The following GOLIM4 variants were observed in gnomAD, a reference collection of about 807,000 sequenced individuals.
GOLIM4 encodes the protein 130 kDa golgi-localized phosphoprotein.
GOLIM4 carries 71 observed loss-of-function variants against 107.4 expected under a neutral mutation model. The ratio of observed to expected loss-of-function variants is 0.66; its 90% confidence interval spans 0.55 to 0.81. The LOEUF (loss-of-function observed/expected upper bound fraction) is 0.81, where lower values mean the gene tolerates loss of function less well. GOLIM4 is among the 30% of genes least tolerant of loss of function. The pLI is 0.00. For missense variants in GOLIM4, 830 were observed against 826.1 expected (o/e 1.00, Z -0.06); for synonymous variants, 327 against 294.8 (o/e 1.11, Z -1.12).
intron 6 of GOLIM4, 99 bp downstream of exon 6, chr3:168,041,293 G>C (rs1406720250): frequency 1.7e-5 from 12 of 710,816 alleles, no homozygotes; most frequent in Non-Finnish European, 3.0e-5. Flanking sequence ...TAACAACGTG[G>C]ATTTGTAAAG....
chr3:168,074,884 T>C (rs1392915239), intron 1 of GOLIM4, among the ~76,000 whole-genome samples: 1 of 152,232 alleles, frequency 6.6e-6, no homozygotes, highest in Non-Finnish European at 1.5e-5. Context: ...AGTGACCCAG[T>C]TACCACTGGA....
At chr3:168,018,433 C>A (rs1344276485) in intron 14 of GOLIM4, among the ~76,000 whole-genome samples, 1 of 152,160 alleles carries the variant, frequency 6.6e-6, no homozygotes, top group Admixed American at 6.5e-5. Context: ...CCATTGTGAA[C>A]CTCTTCTAAC....
At chr3:168,093,354 G>GT (rs1326945353) in intron 1 of GOLIM4, among the ~76,000 whole-genome samples, 1 of 152,208 alleles carries the variant, frequency 6.6e-6, no homozygotes, top group African/African-American at 2.4e-5. Flanking sequence ...AATAATTTTT[G>GT]TTTGTTGTTT....
intron 9 of GOLIM4, 62 bp downstream of exon 9, chr3:168,032,458 T>C (rs575857724): frequency 3.6e-6 from 4 of 1,114,522 alleles, no homozygotes; most frequent in Non-Finnish European, 1.4e-6. Context: ...TACCTTAATA[T>C]GTAAAAATAA....
At chr3:168,011,348 C>T (rs777277924) in intron 14 of GOLIM4, among the ~76,000 whole-genome samples, 5 of 152,226 alleles carry the variant, frequency 3.3e-5, no homozygotes, top group African/African-American at 9.7e-5. Context: ...GATTAAAAAA[C>T]GGCGCACCAC....
intron 1 of GOLIM4, among the ~76,000 whole-genome samples, chr3:168,075,857 A>G (rs886912459): frequency 6.6e-6 from 1 of 152,196 alleles, no homozygotes; most frequent in East Asian, 1.9e-4. Flanking sequence ...TCAAATTTTA[A>G]AAGATGAAAT....
In GOLIM4 at chr3:168,044,883, T is replaced by A; in HGVS notation, c.313-2A>T. The A allele has an allele frequency of 6.6e-7, 1 of 1,519,972 alleles. No homozygotes were observed. Among genetic ancestry groups the A allele is most frequent in the Non-Finnish European group, 8.9e-7 (1 of 1,128,380 alleles). 94.2% of individuals were successfully genotyped at this position (1,519,972 alleles called of 1,614,324 possible). A position where few individuals can be genotyped will look rare whatever the true frequency, so the allele number is the denominator to read the frequency against. On this transcript the variant is annotated splice_acceptor_variant, in intron 3 of 15. Coordinates refer to ENST00000470487, the MANE Select transcript of GOLIM4 (RefSeq NM_014498.5). LOFTEE classifies it high-confidence loss of function. ...ACTGTATCTGCTATTGGAATCTTGC[T>A]GTAAATCAAAAAAAAAAAAGAAAAC... is the stretch of plus-strand genomic sequence containing the variant.
intron 14 of GOLIM4, among the ~76,000 whole-genome samples, chr3:168,018,261 A>T (rs1048356136): frequency 4.6e-5 from 7 of 152,200 alleles, no homozygotes; most frequent in Admixed American, 4.6e-4. Flanking sequence ...AAAAGTATAC[A>T]GATGCTATAA....
chr3:168,067,194 T>C (rs1324521154), intron 1 of GOLIM4, among the ~76,000 whole-genome samples: 2 of 152,138 alleles, frequency 1.3e-5, no homozygotes, highest in Non-Finnish European at 2.9e-5. Context: ...CTAATGAGCA[T>C]AATTTTGTGA....
intron 1 of GOLIM4, among the ~76,000 whole-genome samples, chr3:168,062,796 AG>A (rs1462602041): frequency 6.6e-6 from 1 of 152,244 alleles, no homozygotes; most frequent in African/African-American, 2.4e-5. Context: ...TTTAGGAAAT[AG>A]AATCAAAATG....
At chr3:168,063,197 G>A (rs1219638237) in intron 1 of GOLIM4, among the ~76,000 whole-genome samples, 2 of 152,020 alleles carry the variant, frequency 1.3e-5, no homozygotes, top group Non-Finnish European at 2.9e-5. Flanking sequence ...TGCCACTGAG[G>A]AAACTTAAAA....
At chr3:168,016,188 T>C (rs1271187347) in intron 14 of GOLIM4, among the ~76,000 whole-genome samples, 1 of 133,768 alleles carries the variant, frequency 7.5e-6, no homozygotes, top group African/African-American at 4.0e-5. Flanking sequence ...CTCAAACAAA[T>C]TTACAAGAAA....
intron 1 of GOLIM4, among the ~76,000 whole-genome samples, chr3:168,064,116 G>A (rs570789678): frequency 6.6e-6 from 1 of 152,302 alleles, no homozygotes; most frequent in Admixed American, 6.5e-5. Context: ...GGCTTCCCCA[G>A]GCAGTGTGGA....
In GOLIM4 at chr3:168,027,821, G is replaced by A. The variant is rs769254713; in HGVS notation, c.1530C>T (p.Asn510=). Residue 510 remains asparagine (N), a synonymous_variant, in exon 12 of 16, where the codon AAC becomes AAT. Coordinates refer to ENST00000470487, the MANE Select transcript of GOLIM4 (RefSeq NM_014498.5). ...CTCCTTCTGCTTCATCTTGGTGCTG[G>A]TTGTCTCTTTCATAGGCTAGCAAAT... ...QGEEGAYERD[N]QHQDEAEGDP... is the part of the protein sequence containing the mutation. The A allele has an allele frequency of 2.5e-6, 4 of 1,610,078 alleles. No individual in the cohort carries two copies. In the African/African-American group the frequency reaches 4.0e-5, roughly 16 times the overall value.
intron 1 of GOLIM4, among the ~76,000 whole-genome samples, chr3:168,068,374 A>AT (rs1031564057): frequency 2.0e-5 from 3 of 152,132 alleles, no homozygotes; most frequent in African/African-American, 4.8e-5. Context: ...AGAAAATAAA[A>AT]TTAAAAAAAA....
At chr3:168,053,199 T>C (rs569588138) in intron 1 of GOLIM4, among the ~76,000 whole-genome samples, 1 of 152,308 alleles carries the variant, frequency 6.6e-6, no homozygotes, top group Admixed American at 6.5e-5. Flanking sequence ...TACATTCACT[T>C]ATGGGCAAAA....
intron 14 of GOLIM4, among the ~76,000 whole-genome samples, chr3:168,017,803 C>G (rs913534271): frequency 6.6e-6 from 1 of 152,104 alleles, no homozygotes; most frequent in African/African-American, 2.4e-5. Context: ...ATGAAATAGT[C>G]TATTGAACTG....
intron 2 of GOLIM4, among the ~76,000 whole-genome samples, chr3:168,047,482 CA>C (rs1323107149): frequency 6.6e-6 from 1 of 152,142 alleles, no homozygotes; most frequent in Non-Finnish European, 1.5e-5. Context: ...AAGGAGACTC[CA>C]AATCTTATCA....
At chr3:168,080,099 A>G (rs956691657) in intron 1 of GOLIM4, among the ~76,000 whole-genome samples, 3 of 152,192 alleles carry the variant, frequency 2.0e-5, no homozygotes, top group African/African-American at 7.2e-5. Context: ...AATAACAAAA[A>G]GTTTCAAGAA....
Sources: gnomAD v4.1 joint callset for allele counts (sites outside exome capture counted in the v4.1 genomes callset) on GRCh38, gnomAD v4.1.1 for gene constraint, MANE v1.5 for transcripts, NCBI Gene and HGNC (gene_info 2026-07-23, HGNC 2026-07-21) for gene names.